WDTC1: variants seen among roughly 807,000 people sequenced by gnomAD.
WDTC1 encodes WD and tetratricopeptide repeats protein 1.
A neutral mutation model predicts 76.0 loss-of-function variants in WDTC1; 12 were observed. The observed-to-expected ratio is 0.16, with a 90% CI of 0.10 to 0.26. The LOEUF (loss-of-function observed/expected upper bound fraction) is 0.26. Ranked by LOEUF, WDTC1 falls within the 10% of genes least tolerant of loss-of-function variation. The pLI, the probability that WDTC1 is intolerant of heterozygous loss-of-function variation, is 1.00. For missense variants in WDTC1, 511 were observed against 908.8 expected (o/e 0.56, Z 5.63); for synonymous variants, 326 against 350.8 (o/e 0.93, Z 0.79).
chr1:27,276,710 GA>G (rs200680288), intron 3 of WDTC1, among the ~76,000 whole-genome samples: 7,938 of 150,518 alleles, frequency 0.053, 327 homozygotes, highest in African/African-American at 0.11. Context: ...AAAAAGAAAA[GA>G]AAAAAAAATT....
At position 27,263,214 on chromosome 1, in the gene WDTC1, G is replaced by A. The variant is rs1198547547; in HGVS notation, c.111G>A (p.Leu37=). Residue 37 remains leucine, a synonymous_variant, in exon 3 of 16, where the codon CTG becomes CTA. Transcript: ENST00000319394. ...YHVTDPFIRR[L]GLEAELQGHS... The stretch of plus-strand genomic sequence containing the variant: ...TCACTGACCCCTTTATCCGGCGGCT[G>A]GGCCTGGAAGCAGAGCTGCAGGTAA... 6.2e-7 allele frequency: 1 copy of A among 1,613,350 alleles called. No homozygotes were observed. The highest frequency in any genetic ancestry group is 1.3e-5 in the African/African-American group (1 of 74,876).
chr1:27,291,659 G>A (rs999913669), intron 6 of WDTC1, among the ~76,000 whole-genome samples: 5 of 152,116 alleles, frequency 3.3e-5, no homozygotes, highest in African/African-American at 1.2e-4. Context: ...TTGGCCCATG[G>A]TATATCTAGA....
Position 27,306,037 on chromosome 1 carries a change from C to G in WDTC1, c.1837-149C>G. 1 of 876,076 alleles carries G rather than the reference C, an allele frequency of 1.1e-6. No individual in the cohort carries two copies. The highest frequency in any genetic ancestry group is 1.8e-6 in the Non-Finnish European group (1 of 569,292). 54.3% of individuals were successfully genotyped at this position (876,076 alleles called of 1,614,324 possible). On this transcript the variant is annotated intron_variant, in intron 15 of 15. Coordinates refer to ENST00000319394, the MANE Select transcript of WDTC1 (RefSeq NM_001276252.2). This position sits in a 1 kb window ranked among gnomAD's most constrained non-coding sequence, Gnocchi z 5.0. ...AATATGTAGCCAAGGTTGTGTGTTC[C>G]CCTCCACCATATACACCTCCTGGCA...
intron 1 of WDTC1, among the ~76,000 whole-genome samples, chr1:27,252,454 A>G (rs138873079): frequency 6.6e-6 from 1 of 152,310 alleles, no homozygotes; most frequent in East Asian, 1.9e-4. Flanking sequence ...ATGTTATTAG[A>G]GCTTCAAGTA....
In WDTC1 at chr1:27,306,115, T is replaced by A; in HGVS notation, c.1837-71T>A. ...TTTAGTCTGTGTATTTCCCTCCCCCTCCCCTATACGTGTACCCTGGTGCCT... is the reference window on the plus strand; with the variant it reads ...TTTAGTCTGTGTATTTCCCTCCCCCACCCCTATACGTGTACCCTGGTGCCT... On this transcript the variant is annotated intron_variant, in intron 15 of 15. Coordinates refer to ENST00000319394, the MANE Select transcript of WDTC1 (RefSeq NM_001276252.2). This position sits in a 1 kb window ranked among gnomAD's most constrained non-coding sequence, Gnocchi z 5.0. The A allele has an allele frequency of 2.1e-5, 31 of 1,504,282 alleles. No individual in the cohort carries two copies. The highest frequency in any genetic ancestry group is 5.5e-5 in the African/African-American group (4 of 73,014). 93.2% of individuals were successfully genotyped at this position (1,504,282 alleles called of 1,614,324 possible). A position where few individuals can be genotyped will look rare whatever the true frequency, so the allele number is the denominator to read the frequency against.
intron 1 of WDTC1, among the ~76,000 whole-genome samples, chr1:27,242,538 C>T (rs916304170): frequency 1.3e-5 from 2 of 151,424 alleles, no homozygotes; most frequent in East Asian, 2.0e-4. Context: ...GGTGCAATCT[C>T]GGCTCACTGC....
intron 1 of WDTC1, among the ~76,000 whole-genome samples, chr1:27,242,749 G>A (rs1437833869): frequency 3.9e-5 from 6 of 152,206 alleles, no homozygotes; most frequent in South Asian, 2.1e-4. Context: ...GATTACAGGC[G>A]TGAGCCACCG....
intron 1 of WDTC1, among the ~76,000 whole-genome samples, chr1:27,246,995 G>A (rs2011863056): frequency 6.6e-6 from 1 of 150,890 alleles, no homozygotes; most frequent in East Asian, 2.0e-4. Context: ...GACTCCCAAA[G>A]TGCTGGGATT....
At chr1:27,296,785 A>ACCCTAGCCCCAGCACCAG (rs2013700750) in intron 10 of WDTC1, among the ~76,000 whole-genome samples, 2 of 88,684 alleles carry the variant, frequency 2.3e-5, no homozygotes, top group South Asian at 1.0e-3. Flanking sequence ...CCCAGCCCCA[A>ACCCTAGCCCCAGCACCAG]CCCTAGCCCC....
intron 1 of WDTC1, among the ~76,000 whole-genome samples, chr1:27,235,552 T>C (rs2011478083): frequency 6.6e-6 from 1 of 151,598 alleles, no homozygotes; most frequent in Non-Finnish European, 1.5e-5. Flanking sequence ...GAACGGGCTA[T>C]TCAGTACCCA....
At chr1:27,283,523 A>G (rs1222626101) in intron 5 of WDTC1, 74 bp downstream of exon 5, 20 of 1,375,198 alleles carry the variant, frequency 1.5e-5, no homozygotes, top group Non-Finnish European at 2.0e-5. Context: ...TGGCCACGCC[A>G]TGTTGGTATG....
At chr1:27,258,398 G>A (rs1018280851) in intron 1 of WDTC1, among the ~76,000 whole-genome samples, 5 of 151,776 alleles carry the variant, frequency 3.3e-5, no homozygotes, top group African/African-American at 1.2e-4. Flanking sequence ...CTGGCGTGGT[G>A]GCAGGTGCCT....
intron 6 of WDTC1, 94 bp from the exon 7 acceptor site, chr1:27,292,121 C>G: frequency 7.5e-7 from 1 of 1,334,820 alleles, no homozygotes; most frequent in Non-Finnish European, 1.0e-6. Context: ...CAAAGTCCCT[C>G]CCAATCCTCT....
At chr1:27,240,737 G>A (rs555987184) in intron 1 of WDTC1, among the ~76,000 whole-genome samples, 27 of 152,290 alleles carry the variant, frequency 1.8e-4, no homozygotes, top group African/African-American at 6.0e-4. Context: ...AGAACTTTGG[G>A]AGGCTGAGGT....
intron 6 of WDTC1, among the ~76,000 whole-genome samples, chr1:27,290,500 C>T (rs1016113429): frequency 3.9e-5 from 6 of 152,184 alleles, no homozygotes; most frequent in African/African-American, 1.4e-4. Flanking sequence ...TCCCTAGAGC[C>T]CAGCACAGCG....
chr1:27,280,725 T>G (rs750289245), intron 3 of WDTC1, among the ~76,000 whole-genome samples: 1 of 152,220 alleles, frequency 6.6e-6, no homozygotes, highest in Non-Finnish European at 1.5e-5. Flanking sequence ...AGGTTGAGCC[T>G]CATTACACAA....
Position 27,304,879 on chromosome 1 carries a change from C to T in WDTC1, c.1644-122C>T, listed in dbSNP as rs765509561. On this transcript the variant is annotated intron_variant, in intron 14 of 15. Coordinates refer to ENST00000319394, the MANE Select transcript of WDTC1 (RefSeq NM_001276252.2). ...ATTCTGGGTCAAGTGCACACCCCAG[C>T]GTGTGGGGGACTGAGTGGCTGCAGA... is the stretch of plus-strand genomic sequence containing the variant. 9 of 980,828 alleles carry T rather than the reference C, an allele frequency of 9.2e-6. 1 individual carries two copies. Among genetic ancestry groups the T allele is most frequent in the Non-Finnish European group, 8.8e-6 (6 of 681,068 alleles). 60.8% of individuals were successfully genotyped at this position (980,828 alleles called of 1,614,324 possible).
At chr1:27,296,289 C>T (rs2013680737) in intron 9 of WDTC1, 37 bp from the exon 10 acceptor site, 2 of 1,613,144 alleles carry the variant, frequency 1.2e-6, no homozygotes, top group Admixed American at 1.7e-5. Flanking sequence ...CCTTACCTCA[C>T]AGCTTCCATC....
Position 27,263,210 on chromosome 1 carries a change from G to A in WDTC1, c.107G>A (p.Arg36Gln), listed in dbSNP as rs2012539550. 1.9e-6 allele frequency: 3 copies of A among 1,613,498 alleles called. No homozygotes were observed. The highest frequency in any genetic ancestry group is 2.5e-6 in the Non-Finnish European group (3 of 1,179,854). Residue 36 changes from arginine to glutamine, a missense_variant, in exon 3 of 16, where the codon CGG (arginine) becomes CAG (glutamine). Arg to Gln is a conservative substitution (Grantham distance 43). Transcript: ENST00000319394. ...CATGTCACTGACCCCTTTATCCGGC[G>A]GCTGGGCCTGGAAGCAGAGCTGCAG... is the stretch of plus-strand genomic sequence containing the variant. ...RYHVTDPFIRRLGLEAELQGH... is the reference protein window; with the variant it reads ...RYHVTDPFIRQLGLEAELQGH...
Sources: gnomAD v4.1 joint callset for allele counts (sites outside exome capture counted in the v4.1 genomes callset) on GRCh38, gnomAD v4.1.1 for gene constraint, Gnocchi (gnomAD v3.1) non-coding constraint, MANE v1.5 for transcripts, NCBI Gene and HGNC (gene_info 2026-07-23, HGNC 2026-07-21) for gene names.